Variants in RBM27 observed in about 807,000 individuals in gnomAD.
RBM27 encodes the protein RNA binding motif protein 27.
In RBM27, 22 loss-of-function variants were observed where a neutral mutation model predicts 135.3. The observed-to-expected ratio is 0.16, with a 90% CI of 0.12 to 0.23. The LOEUF (loss-of-function observed/expected upper bound fraction) is 0.23, where lower values mean the gene tolerates loss of function less well. RBM27 is among the 10% of genes least tolerant of loss of function. The probability of loss-of-function intolerance (pLI) is 1.00; values close to 1 mark genes in which losing one functional copy is unlikely to be tolerated. For synonymous variants in RBM27, 481 were observed against 442.4 expected (o/e 1.09, Z -1.10); for missense variants, 1,009 against 1,281.0 (o/e 0.79, Z 3.24).
Position 146,284,698 on chromosome 5 carries a change from C to A in RBM27, c.3065C>A (p.Ser1022Tyr). Residue 1022 changes from serine (S) to tyrosine (Y), a missense_variant, in exon 20 of 21, where the codon TCC becomes TAC. Ser to Tyr is a moderately radical substitution (Grantham distance 144). Around this residue, in one of 6 missense-constraint regions of RBM27, gnomAD observed 355 missense variants for 427.3 expected, o/e 0.83. Coordinates refer to ENST00000265271, the MANE Select transcript of RBM27 (RefSeq NM_018989.2). ...SWHKPKVPSI[S>Y]TETEEEEVKE... The stretch of plus-strand genomic sequence containing the variant: ...CACAAGCCCAAGGTACCATCTATAT[C>A]CACTGAGACTGAAGAAGAAGAAGTC... 6.2e-7 allele frequency: 1 copy of A among 1,612,020 alleles called. No homozygotes were observed. Among genetic ancestry groups the A allele is most frequent in the Non-Finnish European group, 8.5e-7 (1 of 1,178,892 alleles).
rs554929071 is a variant in RBM27 at position 146,231,115 on chromosome 5, G to T, written c.850+198G>T. Among the ~76,000 whole-genome samples, 4 of 151,998 alleles carry T rather than the reference G, an allele frequency of 2.6e-5. No homozygotes were observed. The South Asian group carries it at 8.3e-4, about 32-fold the overall frequency. On this transcript the variant is annotated intron_variant, in intron 6 of 20. Transcript: ENST00000265271. ...TGGCTCGCTGCAACCTCCATCTCCC[G>T]GGTTCAAGCGATTCTCCTTCCTCAG... is the stretch of plus-strand genomic sequence containing the variant.
chr5:146,218,139 TTA>T (rs1309697822), intron 1 of RBM27, among the ~76,000 whole-genome samples: 1 of 145,456 alleles, frequency 6.9e-6, no homozygotes, highest in Non-Finnish European at 1.5e-5. Context: ...CTAGAATATT[TTA>T]TATATGTGTG....
chr5:146,270,788 G>T lies in RBM27; in HGVS notation c.2692-166G>T, dbSNP rs182022909. 7.2e-5 allele frequency among the ~76,000 whole-genome samples: 11 copies of T among 152,082 alleles called. No individual in the cohort carries two copies. In the East Asian group the frequency reaches 1.9e-3, roughly 27 times the overall value. ...ATATCTATATACTTTTTACATGTTG[G>T]CACTACTATATCTGTAAAGTTACTT... On this transcript the variant is annotated intron_variant, in intron 17 of 20. Coordinates refer to ENST00000265271, the MANE Select transcript of RBM27 (RefSeq NM_018989.2).
rs141859375 is a variant in RBM27, at chr5:146,224,354, G to T, written c.303+827G>T. On this transcript the variant is annotated intron_variant, in intron 3 of 20. Coordinates refer to ENST00000265271, the MANE Select transcript of RBM27 (RefSeq NM_018989.2). ...ATTACATTTATTCTGAAGGTAAAAT[G>T]AATTTTTAATTTAGAAATAATTTTA... 5.3e-3 allele frequency among the ~76,000 whole-genome samples: 809 copies of T among 152,174 alleles called. 4 individuals are homozygous for T. The highest frequency in any genetic ancestry group is 0.031 in the Middle Eastern group (9 of 294).
intron 8 of RBM27, among the ~76,000 whole-genome samples, chr5:146,246,860 T>A (rs928239321): frequency 6.6e-6 from 1 of 151,580 alleles, no homozygotes. Context: ...ATTTTAGTGC[T>A]GTGGTTTTTT....
chr5:146,265,100 A>G (rs62372772), intron 14 of RBM27, among the ~76,000 whole-genome samples: 31,844 of 152,080 alleles, frequency 0.21, 4,239 homozygotes, highest in Admixed American at 0.33. Context: ...CTAAGAATCT[A>G]TGTCAAAGGT....
Position 146,260,915 on chromosome 5 carries a change from C to A in RBM27, c.1893+17C>A. On this transcript the variant is annotated intron_variant, in intron 12 of 20. Coordinates refer to ENST00000265271, the MANE Select transcript of RBM27 (RefSeq NM_018989.2). ...AATATCCAGGTAAATGTGGCTATGT[C>A]AGTGACAGAATCCAGGCATTTTATG... is the stretch of plus-strand genomic sequence containing the variant. 1 of 1,596,454 alleles carries A rather than the reference C, an allele frequency of 6.3e-7. No individual in the cohort carries two copies. Among genetic ancestry groups the A allele is most frequent in the South Asian group, 1.1e-5 (1 of 87,182 alleles).
intron 19 of RBM27, among the ~76,000 whole-genome samples, chr5:146,277,706 G>A (rs1019709577): frequency 5.5e-5 from 7 of 128,064 alleles, no homozygotes; most frequent in Non-Finnish European, 8.4e-5. Flanking sequence ...TTTTTTTTTT[G>A]TATTTTTAGT....
At chr5:146,243,304 T>A (rs1286737189) in intron 8 of RBM27, among the ~76,000 whole-genome samples, 4 of 152,182 alleles carry the variant, frequency 2.6e-5, no homozygotes, top group African/African-American at 9.6e-5. Flanking sequence ...AAAATAGTTT[T>A]AAAAATATTT....
chr5:146,225,517 G>C (rs949597831), intron 3 of RBM27, among the ~76,000 whole-genome samples: 1 of 150,414 alleles, frequency 6.6e-6, no homozygotes. Flanking sequence ...TGTTGAATGT[G>C]TCTTAAAGTA....
intron 12 of RBM27, 94 bp from the exon 13 acceptor site, chr5:146,261,416 A>G: frequency 1.9e-6 from 2 of 1,047,522 alleles, no homozygotes; most frequent in Non-Finnish European, 2.8e-6. Context: ...TAACATGTGT[A>G]TTTTGGGGAA....
chr5:146,241,035 A>G (rs1757387379), intron 8 of RBM27, among the ~76,000 whole-genome samples: 1 of 152,072 alleles, frequency 6.6e-6, no homozygotes, highest in South Asian at 2.1e-4. Flanking sequence ...AGCTCTTAAT[A>G]TTGTTTGCCT....
chr5:146,269,255 T>C lies in RBM27; in HGVS notation c.2500T>C (p.Leu834=). The part of the protein sequence containing the change: ...QDMRKKRQEV[L]EKQIECQKML... ...TATGAGGAAAAAAAGACAGGAAGTG[T>C]TAGAAAAGCAAATAGAATGCCAAAA... The change falls in exon 16 of 21, where the codon TTA becomes CTA. Residue 834 remains leucine (L), a synonymous_variant. Transcript: ENST00000265271. 1 of 1,609,824 alleles carries C rather than the reference T, an allele frequency of 6.2e-7. No homozygotes were observed. The highest frequency in any genetic ancestry group is 8.5e-7 in the Non-Finnish European group (1 of 1,177,162).
intron 1 of RBM27, among the ~76,000 whole-genome samples, chr5:146,212,458 CCCA>C (rs1756007588): frequency 6.6e-6 from 1 of 151,730 alleles, no homozygotes; most frequent in Non-Finnish European, 1.5e-5. Context: ...AGACAATCCT[CCCA>C]CTTCAGCCTC....
chr5:146,276,981 G>A (rs574287344), intron 19 of RBM27, among the ~76,000 whole-genome samples: 5 of 152,184 alleles, frequency 3.3e-5, no homozygotes, highest in Non-Finnish European at 7.3e-5. Context: ...GTGATCAGGA[G>A]TTTACCTTTT....
chr5:146,223,356 TTTG>T (rs984740373), intron 2 of RBM27, 44 bp from the exon 3 acceptor site: 2 of 1,543,130 alleles, frequency 1.3e-6, no homozygotes, highest in African/African-American at 2.8e-5. Context: ...TTGTCAAATT[TTTG>T]TTTTTTGTTT....
intron 8 of RBM27, among the ~76,000 whole-genome samples, chr5:146,240,928 G>A (rs563015166): frequency 2.0e-5 from 3 of 152,124 alleles, no homozygotes; most frequent in African/African-American, 2.4e-5. Flanking sequence ...ATGGAACTCC[G>A]GAGTACCCAG....
chr5:146,229,150 T>A, intron 4 of RBM27, 113 bp downstream of exon 4: 1 of 727,256 alleles, frequency 1.4e-6, no homozygotes, highest in South Asian at 1.9e-5. Flanking sequence ...TGTAAACTCA[T>A]TAAAGAAAGA....
In RBM27 at chr5:146,281,699, C is replaced by T. The variant is rs1021942986; in HGVS notation, c.2989-2923C>T. 6.6e-5 allele frequency among the ~76,000 whole-genome samples: 10 copies of T among 152,186 alleles called. No individual in the cohort carries two copies. The South Asian group carries it at 1.0e-3, about 16-fold the overall frequency. On this transcript the variant is annotated intron_variant, in intron 19 of 20. Coordinates refer to ENST00000265271, the MANE Select transcript of RBM27 (RefSeq NM_018989.2). ...TCATAAGAGTCTAATTCTATTTCCCCTATAAGTAGTGGCTATTTGCCAGTT... is the reference window on the plus strand; with the variant it reads ...TCATAAGAGTCTAATTCTATTTCCCTTATAAGTAGTGGCTATTTGCCAGTT...
Sources: allele counts gnomAD v4.1 joint callset (sites outside exome capture counted in the v4.1 genomes callset), GRCh38; gene constraint gnomAD v4.1.1; regional missense constraint gnomAD v4.1.1; transcripts MANE v1.5; gene names NCBI Gene and HGNC (gene_info 2026-07-23, HGNC 2026-07-21).